PGAP4: variants seen among roughly 807,000 people sequenced by gnomAD.
The protein encoded by PGAP4 is post-GPI attachment to proteins GalNAc transferase 4.
In PGAP4, 12 loss-of-function variants were observed where a neutral mutation model predicts 28.2. The ratio of observed to expected loss-of-function variants is 0.42; its 90% CI spans 0.27 to 0.69. The LOEUF (loss-of-function observed/expected upper bound fraction) is 0.69. Among genes scored for constraint, PGAP4 ranks in the 30% least tolerant of loss-of-function variants. The pLI, the probability that PGAP4 is intolerant of heterozygous loss-of-function variation, is 0.22. For missense variants in PGAP4, 425 were observed against 513.5 expected, an observed-to-expected ratio of 0.83 and a Z score of 1.67; for synonymous variants, 205 against 211.8, an observed-to-expected ratio of 0.97 and a Z score of 0.28.
rs534232637 is a variant in PGAP4 at position 101,514,813 on chromosome 9, T to C, written c.-165+16535A>G. ...AGAGCCAAAAATGGAACAAACTGAA[T>C]TATAGTTGATCAGGTGTGAACCATT... On this transcript the variant is annotated intron_variant, in intron 2 of 3. Transcript: ENST00000374851. 9.9e-5 allele frequency among the ~76,000 whole-genome samples: 15 copies of C among 152,198 alleles called. No individual in the cohort carries two copies. In the South Asian group the frequency reaches 2.9e-3, roughly 29 times the overall value.
At chr9:101,515,411 C>G (rs909407150) in intron 2 of PGAP4, among the ~76,000 whole-genome samples, 8 of 151,914 alleles carry the variant, frequency 5.3e-5, no homozygotes, top group Admixed American at 3.9e-4. Flanking sequence ...CGGCAAAGAC[C>G]CTTTTGCCAT....
intron 1 of PGAP4, among the ~76,000 whole-genome samples, chr9:101,477,531 C>A (rs559480430): frequency 1.3e-5 from 2 of 151,984 alleles, no homozygotes; most frequent in East Asian, 3.9e-4. Flanking sequence ...GTTCTTAAAA[C>A]GGGGGCAAAA....
At chr9:101,515,406 A>G (rs1388887342) in intron 2 of PGAP4, among the ~76,000 whole-genome samples, 1 of 152,146 alleles carries the variant, frequency 6.6e-6, no homozygotes, top group Non-Finnish European at 1.5e-5. Flanking sequence ...CACGTCGGCA[A>G]AGACCCTTTT....
chr9:101,485,952 A>AACACACACATGCACGCGC (rs1418403429), intron 1 of PGAP4, among the ~76,000 whole-genome samples: 2 of 152,176 alleles, frequency 1.3e-5, no homozygotes, highest in African/African-American at 4.8e-5. Context: ...TAGAAGGAGA[A>AACACACACATGCACGCGC]ACACACACAT....
intron 2 of PGAP4, among the ~76,000 whole-genome samples, chr9:101,526,173 T>A (rs1827034682): frequency 6.6e-6 from 1 of 152,362 alleles, no homozygotes; most frequent in East Asian, 1.9e-4. Flanking sequence ...CTTCTAAATG[T>A]TAAGATCACA....
chr9:101,476,073 C>G lies in PGAP4; in HGVS notation c.1020G>C (p.Pro340=), dbSNP rs549802602. The G allele has an allele frequency of 2.4e-4, 391 of 1,614,098 alleles. 2 individuals carry two copies. In the South Asian group the frequency reaches 4.1e-3, roughly 17 times the overall value. Residue 340 remains proline (P), a synonymous_variant, in exon 2 of 2, where the codon CCG becomes CCC. Transcript: ENST00000374848. This position sits in a 1 kb window ranked among gnomAD's most constrained non-coding sequence, Gnocchi z 7.0. ...SQCCTPAMLF[P]APAARRTLTY... is the part of the protein sequence containing the mutation. ...TGAGGGTCCGGCGGGCCGCAGGTGC[C>G]GGGAAGAGCATGGCTGGGGTGCAAC... is the stretch of plus-strand genomic sequence containing the variant.
chr9:101,532,938 A>G (rs1588213460), exon 1 of PGAP4: 1 of 152,210 alleles, frequency 6.6e-6, no homozygotes, highest in Admixed American at 6.5e-5. Flanking sequence ...TATAGCGATC[A>G]TTCTTCCATT....
chr9:101,476,715 G>A lies in PGAP4; in HGVS notation c.378C>T (p.His126=), dbSNP rs772697005. The change falls in exon 2 of 2, where the codon CAC becomes CAT. Residue 126 remains histidine, a synonymous_variant. Coordinates refer to ENST00000374848, the MANE Select transcript of PGAP4 (RefSeq NM_032342.3). This position sits in a 1 kb window ranked among gnomAD's most constrained non-coding sequence, Gnocchi z 7.0. ...HYVLQVVSQF[H]RLLQQCGPQC... is the part of the protein sequence containing the mutation. Reference sequence around the variant, plus strand: ...GGGGGCCACATTGCTGAAGAAGCCGGTGGAACTGGGACACAACCTGCAGGA... The same window carrying A: ...GGGGGCCACATTGCTGAAGAAGCCGATGGAACTGGGACACAACCTGCAGGA... The A allele has an allele frequency of 6.2e-7, 1 of 1,614,116 alleles. No individual in the cohort carries two copies. Among genetic ancestry groups the A allele is most frequent in the Non-Finnish European group, 8.5e-7 (1 of 1,180,018 alleles).
chr9:101,530,520 T>C (rs1420057020), intron 2 of PGAP4, among the ~76,000 whole-genome samples: 1 of 152,254 alleles, frequency 6.6e-6, no homozygotes, highest in Non-Finnish European at 1.5e-5. Flanking sequence ...TTTTTATCAT[T>C]GCTAATGCTG....
At chr9:101,510,637 G>A (rs1826889059) in intron 2 of PGAP4, among the ~76,000 whole-genome samples, 1 of 152,052 alleles carries the variant, frequency 6.6e-6, no homozygotes, top group South Asian at 2.1e-4. Context: ...TTTCATAATT[G>A]GGTATTTTCC....
intron 2 of PGAP4, among the ~76,000 whole-genome samples, chr9:101,504,760 G>A (rs1034481785): frequency 1.3e-5 from 2 of 152,094 alleles, no homozygotes; most frequent in Non-Finnish European, 2.9e-5. Flanking sequence ...CAAGTTTTCA[G>A]AAATTTGGGT....
chr9:101,512,344 G>A (rs955213774), intron 2 of PGAP4, among the ~76,000 whole-genome samples: 1 of 152,068 alleles, frequency 6.6e-6, no homozygotes. Context: ...CAGTTACCCT[G>A]AGCCAACATG....
At chr9:101,519,092 A>T (rs1826963943) in intron 2 of PGAP4, among the ~76,000 whole-genome samples, 1 of 152,052 alleles carries the variant, frequency 6.6e-6, no homozygotes, top group Admixed American at 6.6e-5. Context: ...TCATATGTTT[A>T]TTGGCCATTT....
At chr9:101,487,836 G>A (rs145357410), upstream of PGAP4, among the ~76,000 whole-genome samples, 202 of 152,212 alleles carry the variant, frequency 1.3e-3, 2 homozygotes, top group East Asian at 0.028. Context: ...TTTGATGATC[G>A]TAAACAAAGT....
intron 2 of PGAP4, chr9:101,501,493 A>G: frequency 4.6e-6 from 1 of 215,242 alleles, no homozygotes; most frequent in South Asian, 6.2e-5. Context: ...AGTTTCAGTT[A>G]TTTATTAATC....
chr9:101,530,232 G>A (rs1483004572), intron 2 of PGAP4, among the ~76,000 whole-genome samples: 1 of 152,228 alleles, frequency 6.6e-6, no homozygotes, highest in Admixed American at 6.5e-5. Context: ...CATGACTGAT[G>A]CGCAGTACTG....
Position 101,486,579 on chromosome 9 carries a change from C to T in PGAP4, c.-78+370G>A, listed in dbSNP as rs900613394. On this transcript the variant is annotated intron_variant, in intron 1 of 1. Transcript: ENST00000374848. The surrounding 1 kb of genome is among the most constrained non-coding windows in gnomAD (Gnocchi z 4.7). ...GGCGAGGGTCTTACCCAGACTGGCACGCGCCCCGCTCGCGTCCTTCTATTG... is the reference window on the plus strand; with the variant it reads ...GGCGAGGGTCTTACCCAGACTGGCATGCGCCCCGCTCGCGTCCTTCTATTG... Among the ~76,000 whole-genome samples the T allele has an allele frequency of 2.0e-5, 3 of 152,186 alleles. No homozygotes were observed. Among genetic ancestry groups the T allele is most frequent in the African/African-American group, 7.2e-5 (3 of 41,466 alleles).
intron 2 of PGAP4, among the ~76,000 whole-genome samples, chr9:101,510,164 T>C (rs1826883400): frequency 6.6e-6 from 1 of 152,198 alleles, no homozygotes; most frequent in Admixed American, 6.5e-5. Context: ...CATCTAGTTA[T>C]GGTGCTAGGT....
chr9:101,504,223 T>C (rs1174972882), intron 2 of PGAP4, among the ~76,000 whole-genome samples: 3 of 141,526 alleles, frequency 2.1e-5, no homozygotes. Context: ...TTTTTTTTTT[T>C]TTTTTTTTTT....
Sources: allele counts gnomAD v4.1 joint callset (sites outside exome capture counted in the v4.1 genomes callset), GRCh38; gene constraint gnomAD v4.1.1; non-coding constraint Gnocchi (gnomAD v3.1); transcripts MANE v1.5; gene names NCBI Gene and HGNC (gene_info 2026-07-23, HGNC 2026-07-21).